MYO5C: variants seen among roughly 807,000 people sequenced by gnomAD.
MYO5C encodes the protein myosin VC, also known as unconventional myosin-Vc.
A neutral mutation model predicts 235.7 loss-of-function variants in MYO5C; 194 were observed. The observed-to-expected ratio is 0.82, with a 90% confidence interval of 0.73 to 0.93. The LOEUF (loss-of-function observed/expected upper bound fraction) is 0.93, where lower values mean the gene tolerates loss of function less well. MYO5C is among the 40% of genes least tolerant of loss of function. MYO5C has a pLI of 0.00. For synonymous variants in MYO5C, 707 were observed against 754.8 expected (o/e 0.94, Z 1.04); for missense variants, 2,038 against 2,127.2 (o/e 0.96, Z 0.82).
intron 1 of MYO5C, among the ~76,000 whole-genome samples, chr15:52,286,366 G>A (rs2037272430): frequency 6.8e-6 from 1 of 146,674 alleles, no homozygotes; most frequent in East Asian, 2.1e-4. Flanking sequence ...GGAGGTGAGG[G>A]GCGCCTCTGC....
Position 52,218,614 on chromosome 15 carries a change from C to A in MYO5C, c.3859G>T (p.Glu1287Ter). ...KLIDKIQEMQ[E>*]ASDHLKKQFE... is the part of the protein sequence containing the mutation. Reference sequence around the variant, plus strand: ...TGTTTCTTCAAGTGGTCACTGGCCTCCTGCATTTCTTGAATCTTATCAATC... The same window carrying A: ...TGTTTCTTCAAGTGGTCACTGGCCTACTGCATTTCTTGAATCTTATCAATC... Residue 1287 changes from glutamate to a stop codon, truncating the protein, a stop_gained, in exon 32 of 41, where the codon GAG (glutamate) becomes TAG (stop). Coordinates refer to ENST00000261839, the MANE Select transcript of MYO5C (RefSeq NM_018728.4). LOFTEE classifies it high-confidence loss of function. 1 of 1,614,188 alleles carries A rather than the reference C, an allele frequency of 6.2e-7. No individual in the cohort carries two copies. The highest frequency in any genetic ancestry group is 8.5e-7 in the Non-Finnish European group (1 of 1,180,030).
intron 1 of MYO5C, among the ~76,000 whole-genome samples, chr15:52,286,164 C>G (rs1043811600): frequency 4.0e-5 from 6 of 151,872 alleles, no homozygotes; most frequent in African/African-American, 1.2e-4. Context: ...CGGCAGCCAC[C>G]CCGTCTGGGA....
intron 32 of MYO5C, among the ~76,000 whole-genome samples, chr15:52,217,007 G>C (rs2035570457): frequency 6.6e-6 from 1 of 152,194 alleles, no homozygotes; most frequent in Non-Finnish European, 1.5e-5. Context: ...GTGCCCTGCT[G>C]ACACCTTGAC....
At chr15:52,194,089 AACTAACATGTTCTGCTTT>A in intron 40 of MYO5C, 35 bp from the exon 41 acceptor site, 1 of 1,601,584 alleles carries the variant, frequency 6.2e-7, no homozygotes, top group Non-Finnish European at 8.5e-7. Context: ...TGAGTAAGGA[AACTAACATGTTCTGCTTT>A]ACTGCTACCT....
intron 9 of MYO5C, among the ~76,000 whole-genome samples, chr15:52,262,271 T>C (rs571253436): frequency 1.5e-3 from 222 of 152,330 alleles, no homozygotes; most frequent in African/African-American, 5.0e-3. Context: ...CCAATAATTA[T>C]AGGACTGGGA....
chr15:52,223,148 CA>C (rs59251560), intron 29 of MYO5C, among the ~76,000 whole-genome samples: 140 of 128,850 alleles, frequency 1.1e-3, no homozygotes, highest in Middle Eastern at 4.0e-3. Context: ...GACTTCATCT[CA>C]AAAAAAAAAA....
intron 14 of MYO5C, 97 bp downstream of exon 14, chr15:52,248,603 C>T: frequency 1.1e-6 from 1 of 872,970 alleles, no homozygotes; most frequent in Admixed American, 2.0e-5. Flanking sequence ...CACACACACA[C>T]ACACTCTCTC....
intron 5 of MYO5C, among the ~76,000 whole-genome samples, chr15:52,273,432 C>T (rs2036968495): frequency 6.6e-6 from 1 of 152,230 alleles, no homozygotes; most frequent in Non-Finnish European, 1.5e-5. Context: ...TTTGTGTCCT[C>T]TCAAAATCTT....
intron 25 of MYO5C, among the ~76,000 whole-genome samples, chr15:52,227,405 A>G (rs184377204): frequency 1.9e-3 from 286 of 150,664 alleles, no homozygotes; most frequent in African/African-American, 6.9e-3. Flanking sequence ...CACCGTGTTA[A>G]CTAGGATGGT....
intron 28 of MYO5C, 49 bp downstream of exon 28, chr15:52,224,852 A>G: frequency 1.3e-6 from 2 of 1,507,854 alleles, no homozygotes; most frequent in Non-Finnish European, 1.8e-6. Context: ...CCAATAGTCT[A>G]TTTATTATCT....
intron 25 of MYO5C, 137 bp downstream of exon 25, chr15:52,228,996 G>T: frequency 1.1e-6 from 1 of 917,338 alleles, no homozygotes; most frequent in Non-Finnish European, 1.6e-6. Flanking sequence ...GTGCACAGTT[G>T]GAAGGACTGA....
At chr15:52,273,491 G>A (rs2036969590) in intron 5 of MYO5C, among the ~76,000 whole-genome samples, 1 of 152,154 alleles carries the variant, frequency 6.6e-6, no homozygotes, top group Non-Finnish European at 1.5e-5. Context: ...GTGGGCCTTT[G>A]GGAAGTAATG....
At chr15:52,271,298 G>A (rs569264280) in intron 7 of MYO5C, among the ~76,000 whole-genome samples, 15 of 151,220 alleles carry the variant, frequency 9.9e-5, no homozygotes, top group Non-Finnish European at 1.8e-4. Flanking sequence ...GCGTGATCTC[G>A]GCTCACTGCA....
chr15:52,235,441 G>A (rs1007892271), intron 23 of MYO5C, among the ~76,000 whole-genome samples: 26 of 152,120 alleles, frequency 1.7e-4, no homozygotes, highest in African/African-American at 6.3e-4. Context: ...GAGGTTCTGA[G>A]GCACAGAGAG....
chr15:52,283,285 T>C (rs1412133608), intron 1 of MYO5C, among the ~76,000 whole-genome samples: 1 of 152,230 alleles, frequency 6.6e-6, no homozygotes, highest in Non-Finnish European at 1.5e-5. Flanking sequence ...TACTCATCCA[T>C]AGAATTGGCA....
chr15:52,245,377 C>A lies in MYO5C; in HGVS notation c.2155G>T (p.Val719Leu), dbSNP rs2036314310. The change falls in exon 18 of 41, where the codon GTG (valine) becomes TTG (leucine). Residue 719 changes from valine to leucine, a missense_variant. By Grantham distance (32) the Val-to-Leu change is conservative. Coordinates refer to ENST00000261839, the MANE Select transcript of MYO5C (RefSeq NM_018728.4). ...SFSDKKEVCK[V>L]VLHRLIQDSN... is the part of the protein sequence containing the mutation. ...ACCTGGATGAGTCTGTGTAAAACCACCTTGCACACCTCCTTTTTATCGCTG... is the reference window on the plus strand; with the variant it reads ...ACCTGGATGAGTCTGTGTAAAACCAACTTGCACACCTCCTTTTTATCGCTG... 6.2e-7 allele frequency: 1 copy of A among 1,613,940 alleles called. No homozygotes were observed. Among genetic ancestry groups the A allele is most frequent in the African/African-American group, 1.3e-5 (1 of 74,926 alleles).
chr15:52,213,329 C>T (rs1394362817), intron 33 of MYO5C, 43 bp from the exon 34 acceptor site: 3 of 1,432,844 alleles, frequency 2.1e-6, no homozygotes, highest in Admixed American at 3.4e-5. Flanking sequence ...ACAAAAGCAG[C>T]TTTCACAGGT....
chr15:52,211,949 G>A, intron 34 of MYO5C, 65 bp from the exon 35 acceptor site: 5 of 1,534,100 alleles, frequency 3.3e-6, no homozygotes, highest in Non-Finnish European at 4.4e-6. Flanking sequence ...AGGAACTTGT[G>A]ACTAGGGGCA....
chr15:52,246,502 C>T (rs2036347384), intron 16 of MYO5C, among the ~76,000 whole-genome samples: 1 of 152,194 alleles, frequency 6.6e-6, no homozygotes, highest in Admixed American at 6.5e-5. Flanking sequence ...CTCTAGCAAG[C>T]TACAAGGGAC....
Sources: allele counts gnomAD v4.1 joint callset (sites outside exome capture counted in the v4.1 genomes callset), GRCh38; gene constraint gnomAD v4.1.1; transcripts MANE v1.5; gene names NCBI Gene and HGNC (gene_info 2026-07-23, HGNC 2026-07-21).